The following RTTN variants were observed in gnomAD, a reference collection of about 807,000 sequenced individuals.
RTTN encodes rotatin.
In RTTN, 182 loss-of-function variants were observed where a neutral mutation model predicts 269.2. The ratio of observed to expected loss-of-function variants is 0.68; its 90% CI spans 0.60 to 0.76. The LOEUF (loss-of-function observed/expected upper bound fraction) is 0.76. Among genes scored for constraint, RTTN ranks in the 30% least tolerant of loss-of-function variants. The probability of loss-of-function intolerance (pLI) is 0.00; values close to 1 mark genes in which losing one functional copy is unlikely to be tolerated. For synonymous variants in RTTN, 1,006 were observed against 963.5 expected (o/e 1.04, Z -0.82); for missense variants, 2,545 against 2,608.6 (o/e 0.98, Z 0.53).
intron 21 of RTTN, among the ~76,000 whole-genome samples, chr18:70,135,631 A>G (rs571972499): frequency 6.6e-6 from 1 of 152,348 alleles, no homozygotes; most frequent in Admixed American, 6.5e-5. Flanking sequence ...ACAGCCTCTA[A>G]GAAGGTTATG....
At chr18:70,028,670 A>T in intron 43 of RTTN, 54 bp downstream of exon 43, 1 of 1,046,744 alleles carries the variant, frequency 9.6e-7, no homozygotes, top group Non-Finnish European at 1.4e-6. Context: ...CATAAAAATT[A>T]AACTGCTTAA....
intron 34 of RTTN, among the ~76,000 whole-genome samples, chr18:70,066,910 TAC>T (rs780566920): frequency 6.6e-6 from 1 of 152,206 alleles, no homozygotes; most frequent in Non-Finnish European, 1.5e-5. Context: ...AAATGGAATA[TAC>T]AGTTTTTTAA....
chr18:70,119,239 T>C (rs1011745692), intron 26 of RTTN, among the ~76,000 whole-genome samples: 5 of 151,878 alleles, frequency 3.3e-5, no homozygotes, highest in Admixed American at 1.3e-4. Context: ...AGTTGCAGGA[T>C]ACAAAATCAA....
At chr18:70,033,687 C>A (rs934312411) in intron 40 of RTTN, among the ~76,000 whole-genome samples, 1 of 151,846 alleles carries the variant, frequency 6.6e-6, no homozygotes, top group Non-Finnish European at 1.5e-5. Context: ...AGCAAACCAA[C>A]CCCAAAGCTA....
At chr18:70,054,076 T>G in intron 38 of RTTN, 55 bp downstream of exon 38, 1 of 1,431,634 alleles carries the variant, frequency 7.0e-7, no homozygotes, top group East Asian at 2.3e-5. Flanking sequence ...ACAGAGTAAG[T>G]TTTTTTTCCT....
chr18:70,167,183 A>C (rs564387860), intron 12 of RTTN, 152 bp from the exon 13 acceptor site: 69 of 595,918 alleles, frequency 1.2e-4, no homozygotes, highest in Admixed American at 1.1e-3. Flanking sequence ...AAGCAACCTA[A>C]AAATGTCAGC....
chr18:70,046,057 A>AT (rs149091719), intron 40 of RTTN, among the ~76,000 whole-genome samples: 9,189 of 150,850 alleles, frequency 0.061, 324 homozygotes, highest in African/African-American at 0.099. Flanking sequence ...TCTAGCACAG[A>AT]TTTTTTTTTT....
intron 10 of RTTN, among the ~76,000 whole-genome samples, chr18:70,186,078 C>G (rs1054125460): frequency 3.4e-5 from 5 of 146,186 alleles, no homozygotes; most frequent in Admixed American, 6.7e-5. Context: ...CCCTCTCCCC[C>G]CCAAAAAAAA....
At chr18:70,142,722 G>A (rs1484495694) in intron 18 of RTTN, among the ~76,000 whole-genome samples, 2 of 152,132 alleles carry the variant, frequency 1.3e-5, no homozygotes, top group African/African-American at 2.4e-5. Flanking sequence ...GATGGCTCAC[G>A]CCTATAATCC....
At chr18:70,147,263 G>A (rs988069222) in intron 17 of RTTN, among the ~76,000 whole-genome samples, 3 of 152,110 alleles carry the variant, frequency 2.0e-5, no homozygotes, top group Admixed American at 1.3e-4. Context: ...TGGTGTCATA[G>A]GATTATATTA....
intron 39 of RTTN, 83 bp from the exon 40 acceptor site, chr18:70,048,271 C>A: frequency 7.9e-7 from 1 of 1,261,550 alleles, no homozygotes; most frequent in Admixed American, 2.0e-5. Flanking sequence ...TTTAAAGTAA[C>A]TATACTCTGG....
At chr18:70,127,359 T>A in intron 25 of RTTN, 143 bp downstream of exon 25, 1 of 932,090 alleles carries the variant, frequency 1.1e-6, no homozygotes, top group Non-Finnish European at 1.6e-6. Flanking sequence ...TTGGCTATTA[T>A]TACAGATGAT....
intron 21 of RTTN, 114 bp from the exon 22 acceptor site, chr18:70,135,394 A>C: frequency 1.6e-6 from 1 of 609,652 alleles, no homozygotes; most frequent in South Asian, 2.1e-5. Context: ...AACCCAGATA[A>C]GGTGACACTA....
At chr18:70,096,811 G>C (rs998089089) in intron 28 of RTTN, among the ~76,000 whole-genome samples, 22 of 152,324 alleles carry the variant, frequency 1.4e-4, no homozygotes, top group Admixed American at 1.4e-3. Flanking sequence ...TCCCTTAGCA[G>C]AGCTTGAGTG....
chr18:70,027,722 CT>C (rs2145572812), intron 43 of RTTN, among the ~76,000 whole-genome samples: 1 of 152,242 alleles, frequency 6.6e-6, no homozygotes, highest in South Asian at 2.1e-4. Context: ...ATTAATGGCA[CT>C]TTTGTCTTGA....
Position 70,168,912 on chromosome 18 carries a change from T to C in RTTN, c.1632A>G (p.Ala544=). The C allele has an allele frequency of 6.2e-7, 1 of 1,613,454 alleles. No individual in the cohort carries two copies. Among genetic ancestry groups the C allele is most frequent in the Non-Finnish European group, 8.5e-7 (1 of 1,179,742 alleles). ...SENYSIYKRT[A]EAVYSIECTC... is the part of the protein sequence containing the mutation. ...TGCATTCAATTGAATAAACGGCCTC[T>C]GCAGTTCGTTTATAAATACTGTAGT... is the stretch of plus-strand genomic sequence containing the variant. The change falls in exon 12 of 49, where the codon GCA becomes GCG. Residue 544 remains alanine (A), a synonymous_variant. Transcript: ENST00000640769.
At chr18:70,178,912 AT>A (rs2061360690) in intron 10 of RTTN, among the ~76,000 whole-genome samples, 1 of 152,116 alleles carries the variant, frequency 6.6e-6, no homozygotes, top group Non-Finnish European at 1.5e-5. Flanking sequence ...AAAACATGTT[AT>A]TGATATGGAC....
Position 70,054,112 on chromosome 18 carries a change from C to T in RTTN, c.5185+19G>A. On this transcript the variant is annotated intron_variant, in intron 38 of 48. Coordinates refer to ENST00000640769, the MANE Select transcript of RTTN (RefSeq NM_173630.4). ...CAGTATTATTCACTTACATTCTAAA[C>T]TAAAACAATTAAGCTTACCTAATAC... The T allele has an allele frequency of 1.3e-6, 2 of 1,597,092 alleles. No individual in the cohort carries two copies. The highest frequency in any genetic ancestry group is 1.7e-6 in the Non-Finnish European group (2 of 1,166,350).
chr18:70,196,415 T>C (rs1156311313), intron 7 of RTTN, 86 bp downstream of exon 7: 1 of 1,210,614 alleles, frequency 8.3e-7, no homozygotes, highest in Non-Finnish European at 1.2e-6. Context: ...GCGTACACAA[T>C]AAACCCTAAC....
Sources: gnomAD v4.1 joint callset for allele counts (sites outside exome capture counted in the v4.1 genomes callset) on GRCh38, gnomAD v4.1.1 for gene constraint, MANE v1.5 for transcripts, NCBI Gene and HGNC (gene_info 2026-07-23, HGNC 2026-07-21) for gene names.